Variants in LRRIQ1 observed in about 807,000 individuals in gnomAD.
LRRIQ1 encodes the protein leucine-rich repeat- and IQ domain-containing protein 1.
A neutral mutation model predicts 211.9 loss-of-function variants in LRRIQ1; 210 were observed. The observed-to-expected ratio is 0.99, with a 90% confidence interval of 0.89 to 1.11. LRRIQ1 has a LOEUF of 1.11. Ranked by LOEUF, LRRIQ1 falls within the 50% of genes most tolerant of loss-of-function variation. The pLI, the probability that LRRIQ1 is intolerant of heterozygous loss-of-function variation, is 0.00. For synonymous variants in LRRIQ1, 699 were observed against 650.1 expected, an observed-to-expected ratio of 1.08 and a Z score of -1.14; for missense variants, 2,136 against 1,939.5, an observed-to-expected ratio of 1.10 and a Z score of -1.90.
intron 15 of LRRIQ1, among the ~76,000 whole-genome samples, chr12:85,121,323 A>G (rs1161757605): frequency 6.6e-6 from 1 of 152,156 alleles, no homozygotes; most frequent in African/African-American, 2.4e-5. Context: ...ATAAAAGACA[A>G]CTTTTGGTAA....
At position 85,244,856 on chromosome 12, in the gene LRRIQ1, C is replaced by G. The variant is rs200114402; in HGVS notation, c.5084C>G (p.Ser1695Cys). The change falls in exon 27 of 27, where the codon TCT (serine) becomes TGT (cysteine). Residue 1695 changes from serine to cysteine, a missense_variant. Coordinates refer to ENST00000393217, the MANE Select transcript of LRRIQ1 (RefSeq NM_001079910.2). ...LFSMTNGSAL[S>C]VNREKKNQAH... is the part of the protein sequence containing the mutation. ...TCCATGACCAATGGAAGTGCTTTGT[C>G]TGTGAACAGAGAAAAAAAAAATCAG... 6.2e-7 allele frequency: 1 copy of G among 1,604,446 alleles called. No homozygotes were observed. Among genetic ancestry groups the G allele is most frequent in the African/African-American group, 1.3e-5 (1 of 74,262 alleles).
At chr12:85,107,099 G>A (rs1886835246) in intron 15 of LRRIQ1, among the ~76,000 whole-genome samples, 1 of 152,032 alleles carries the variant, frequency 6.6e-6, no homozygotes, top group African/African-American at 2.4e-5. Flanking sequence ...ATACCTAAAT[G>A]TAAACCAAGA....
At chr12:85,096,076 A>G (rs1885851371) in intron 11 of LRRIQ1, among the ~76,000 whole-genome samples, 1 of 152,032 alleles carries the variant, frequency 6.6e-6, no homozygotes. Context: ...TCTAGCTAGT[A>G]GTCTATTTAT....
chr12:85,271,188 T>C, the LRRIQ1 span, among the ~76,000 whole-genome samples: 7 of 152,222 alleles, frequency 4.6e-5, no homozygotes, highest in Admixed American at 4.6e-4. Context: ...TTGTGAGCAT[T>C]AAAGATGTCA....
intron 25 of LRRIQ1, among the ~76,000 whole-genome samples, chr12:85,232,229 C>T (rs961438244): frequency 6.6e-6 from 1 of 151,868 alleles, no homozygotes; most frequent in Non-Finnish European, 1.5e-5. Flanking sequence ...GACAAGAGTT[C>T]TTGAAAAGCC....
At chr12:85,160,912 T>C (rs969369299) in intron 24 of LRRIQ1, among the ~76,000 whole-genome samples, 198 bp downstream of exon 24, 10 of 152,166 alleles carry the variant, frequency 6.6e-5, no homozygotes, top group Admixed American at 3.3e-4. Flanking sequence ...GATATAGTCA[T>C]TGAAAATTTG....
chr12:85,223,219 A>C (rs1365309054), intron 24 of LRRIQ1, among the ~76,000 whole-genome samples: 3 of 152,146 alleles, frequency 2.0e-5, no homozygotes, highest in African/African-American at 7.2e-5. Flanking sequence ...AAACTATGCC[A>C]ATCAGGTTGA....
At chr12:85,268,472 G>A (rs893643028), downstream of LRRIQ1, among the ~76,000 whole-genome samples, 1 of 151,864 alleles carries the variant, frequency 6.6e-6, no homozygotes, top group African/African-American at 2.4e-5. Context: ...CCAGATAATT[G>A]ATTAGAGTGA....
chr12:85,212,648 A>G (rs934546328), intron 24 of LRRIQ1, among the ~76,000 whole-genome samples: 7 of 151,590 alleles, frequency 4.6e-5, no homozygotes, highest in Admixed American at 3.3e-4. Context: ...TGATTCTTGT[A>G]TTCTCTAGGA....
chr12:85,248,034 A>G (rs148869042), downstream of LRRIQ1, among the ~76,000 whole-genome samples: 736 of 151,802 alleles, frequency 4.8e-3, 13 homozygotes, highest in African/African-American at 0.017. Context: ...ACATAGCAAG[A>G]GATTTCCTCA....
At chr12:85,042,828 G>A (rs1879059592) in intron 3 of LRRIQ1, among the ~76,000 whole-genome samples, 1 of 151,950 alleles carries the variant, frequency 6.6e-6, no homozygotes, top group African/African-American at 2.4e-5. Context: ...CTATTAAGGA[G>A]CAAAAATACT....
chr12:85,079,263 T>A (rs1177257313), intron 11 of LRRIQ1, among the ~76,000 whole-genome samples: 3 of 148,102 alleles, frequency 2.0e-5, no homozygotes, highest in African/African-American at 7.5e-5. Context: ...TTTTTTTTTT[T>A]TTTTGAGATG....
intron 24 of LRRIQ1, among the ~76,000 whole-genome samples, chr12:85,204,931 G>A (rs1305356602): frequency 1.3e-5 from 2 of 152,086 alleles, no homozygotes; most frequent in African/African-American, 4.8e-5. Flanking sequence ...GGGCTGGGGT[G>A]GAATGATAAG....
chr12:85,184,045 C>T (rs1005975644), intron 24 of LRRIQ1, among the ~76,000 whole-genome samples: 4 of 151,978 alleles, frequency 2.6e-5, no homozygotes, highest in African/African-American at 9.7e-5. Flanking sequence ...CACTTGGTGA[C>T]CTGATAACTA....
At chr12:85,134,495 C>T (rs1275944878) in intron 18 of LRRIQ1, among the ~76,000 whole-genome samples, 1 of 151,892 alleles carries the variant, frequency 6.6e-6, no homozygotes, top group Non-Finnish European at 1.5e-5. Flanking sequence ...TCATGTGTGC[C>T]TTGTATATAA....
Position 85,229,517 on chromosome 12 carries a change from G to C in LRRIQ1, c.4823G>C (p.Gly1608Ala), listed in dbSNP as rs748852028. 2 of 1,605,118 alleles carry C rather than the reference G, an allele frequency of 1.2e-6. No homozygotes were observed. Among genetic ancestry groups the C allele is most frequent in the South Asian group, 2.2e-5 (2 of 89,622 alleles). Residue 1608 changes from glycine to alanine, a missense_variant and splice_region_variant, in exon 25 of 27, where the codon GGT becomes GCT. Transcript: ENST00000393217. ...VQPRRDGYFE[G>A]IEEDPIHKDT... ...TACACGTTCCATATTTCTTTCACAGGTATAGAAGAAGACCCTATCCACAAA... is the reference window on the plus strand; with the variant it reads ...TACACGTTCCATATTTCTTTCACAGCTATAGAAGAAGACCCTATCCACAAA...
In LRRIQ1 at chr12:85,217,500, ATATATATATGTGTGTGTGTGTGTG is replaced by A. The variant is rs1395286799; in HGVS notation, c.4823-12015_4823-11992del. On this transcript the variant is annotated intron_variant, in intron 24 of 26. Coordinates refer to ENST00000393217, the MANE Select transcript of LRRIQ1 (RefSeq NM_001079910.2). Reference sequence around the variant, plus strand: ...TATATATATATATATATGTATATATATATATATATGTGTGTGTGTGTGTGTGTGTGTGTGTGTGTGTGTGTGTGT... The same window carrying A: ...TATATATATATATATATGTATATATATGTGTGTGTGTGTGTGTGTGTGTGT... 4.7e-4 allele frequency among the ~76,000 whole-genome samples: 38 copies of A among 81,554 alleles called. 1 individual carries two copies. The highest frequency in any genetic ancestry group is 3.0e-3 in the African/African-American group (33 of 11,180). 53.5% of individuals were successfully genotyped at this position (81,554 alleles called of 152,430 possible).
intron 1 of LRRIQ1, among the ~76,000 whole-genome samples, chr12:85,258,931 C>G (rs1896205231): frequency 6.6e-6 from 1 of 151,882 alleles, no homozygotes; most frequent in East Asian, 1.9e-4. Context: ...AATCATTTTA[C>G]ATATTAAATT....
intron 15 of LRRIQ1, among the ~76,000 whole-genome samples, chr12:85,116,203 C>T (rs1410886862): frequency 6.6e-6 from 1 of 152,170 alleles, no homozygotes; most frequent in Non-Finnish European, 1.5e-5. Flanking sequence ...AGTGCAGTGG[C>T]GCGATCTCGG....
Sources: allele counts gnomAD v4.1 joint callset (sites outside exome capture counted in the v4.1 genomes callset), GRCh38; gene constraint gnomAD v4.1.1; transcripts MANE v1.5; gene names NCBI Gene and HGNC (gene_info 2026-07-23, HGNC 2026-07-21).